SDAD1: variants seen among roughly 807,000 people sequenced by gnomAD.
The protein encoded by SDAD1 is protein SDA1 homolog.
SDAD1 carries 79 observed loss-of-function variants against 100.3 expected under a neutral mutation model. The ratio of observed to expected loss-of-function variants is 0.79; its 90% confidence interval spans 0.66 to 0.95. The LOEUF is 0.95. Ranked by LOEUF, SDAD1 falls within the 40% of genes least tolerant of loss-of-function variation. The pLI, the probability that SDAD1 is intolerant of heterozygous loss-of-function variation, is 0.00. For missense variants in SDAD1, 790 were observed against 810.9 expected, an observed-to-expected ratio of 0.97 and a Z score of 0.31; for synonymous variants, 267 against 271.4, an observed-to-expected ratio of 0.98 and a Z score of 0.16.
Position 75,972,415 on chromosome 4 carries a change from A to C in SDAD1, c.711+902T>G, listed in dbSNP as rs541878066. ...GGTCCGCGGCTCCAAAAAAAAAAAA[A>C]ACACACAAACAAAGACTGTTGTCTT... On this transcript the variant is annotated intron_variant, in intron 8 of 21. Transcript: ENST00000356260. 1.0e-3 allele frequency among the ~76,000 whole-genome samples: 157 copies of C among 151,570 alleles called. 1 individual carries two copies. The Middle Eastern group carries it at 0.021, about 20-fold the overall frequency.
chr4:75,961,698 A>G (rs1432917817), intron 14 of SDAD1, among the ~76,000 whole-genome samples: 1 of 152,246 alleles, frequency 6.6e-6, no homozygotes, highest in East Asian at 1.9e-4. Flanking sequence ...AGGACAGATT[A>G]GACAATCCTT....
At chr4:75,956,696 CT>C (rs1728916165) in intron 20 of SDAD1, among the ~76,000 whole-genome samples, 1 of 152,212 alleles carries the variant, frequency 6.6e-6, no homozygotes, top group African/African-American at 2.4e-5. Context: ...CACATTCCTA[CT>C]TTTCTCTTAG....
At chr4:75,981,049 G>T in intron 3 of SDAD1, 1 of 209,834 alleles carries the variant, frequency 4.8e-6, no homozygotes, top group East Asian at 1.1e-4. Flanking sequence ...ATGACTAGAA[G>T]AAATCATCTC....
intron 1 of SDAD1, among the ~76,000 whole-genome samples, chr4:75,990,278 C>A (rs542069654): frequency 3.5e-5 from 5 of 144,214 alleles, no homozygotes; most frequent in Non-Finnish European, 7.6e-5. Flanking sequence ...TGAGAAACCC[C>A]CCCCCCCCCT....
intron 1 of SDAD1, among the ~76,000 whole-genome samples, chr4:75,987,142 C>T (rs1306975596): frequency 6.6e-6 from 1 of 151,968 alleles, no homozygotes; most frequent in Non-Finnish European, 1.5e-5. Flanking sequence ...TCAAAAAATC[C>T]TTTAAATTGA....
intron 16 of SDAD1, among the ~76,000 whole-genome samples, 156 bp downstream of exon 16, chr4:75,960,872 T>C (rs1315645856): frequency 6.6e-6 from 1 of 152,230 alleles, no homozygotes; most frequent in Non-Finnish European, 1.5e-5. Flanking sequence ...TTCAGGGCCA[T>C]GGTATTTGAT....
intron 7 of SDAD1, 27 bp downstream of exon 7, chr4:75,974,049 C>T (rs753969820): frequency 5.0e-6 from 8 of 1,603,232 alleles, no homozygotes; most frequent in Non-Finnish European, 5.1e-6. Flanking sequence ...ACAGACAGAG[C>T]TTACACACAG....
chr4:75,953,399 C>T (rs1284221459), intron 21 of SDAD1, among the ~76,000 whole-genome samples: 2 of 152,188 alleles, frequency 1.3e-5, no homozygotes, highest in African/African-American at 4.8e-5. Flanking sequence ...ATTAATACTT[C>T]CTCAACCCTG....
At chr4:75,961,701 CA>C (rs1299077970) in intron 14 of SDAD1, among the ~76,000 whole-genome samples, 1 of 152,198 alleles carries the variant, frequency 6.6e-6, no homozygotes, top group African/African-American at 2.4e-5. Context: ...ACAGATTAGA[CA>C]ATCCTTAAAC....
intron 21 of SDAD1, among the ~76,000 whole-genome samples, chr4:75,954,890 T>C (rs1041330808): frequency 4.3e-4 from 65 of 152,312 alleles, no homozygotes; most frequent in African/African-American, 1.5e-3. Context: ...CCTGTCCATA[T>C]GGATAAGATA....
chr4:75,980,455 G>A (rs1013587736), intron 3 of SDAD1, among the ~76,000 whole-genome samples: 7 of 152,192 alleles, frequency 4.6e-5, no homozygotes, highest in South Asian at 2.1e-4. Flanking sequence ...TCATATTTGC[G>A]TACTTATCTG....
intron 3 of SDAD1, among the ~76,000 whole-genome samples, chr4:75,978,978 C>T (rs60118113): frequency 3.6e-5 from 1 of 27,734 alleles, no homozygotes; most frequent in Admixed American, 6.5e-4. Context: ...CAGACCCTGT[C>T]TCAGAAAAAA....
chr4:75,973,344 T>C lies in SDAD1; in HGVS notation c.684A>G (p.Glu228=), dbSNP rs923227235. ...LTFFLGKDED[E]KQDSDSESED... ...CAGATTCGGAGTCACTGTCCTGTTT[T>C]TCATCTTCATCTTTCCCAAGAAAGA... is the stretch of plus-strand genomic sequence containing the variant. Residue 228 remains glutamate, a synonymous_variant, in exon 8 of 22, where the codon GAA becomes GAG. Coordinates refer to ENST00000356260, the MANE Select transcript of SDAD1 (RefSeq NM_018115.4). 4 of 1,613,760 alleles carry C rather than the reference T, an allele frequency of 2.5e-6. No individual in the cohort carries two copies. Among genetic ancestry groups the C allele is most frequent in the Non-Finnish European group, 3.4e-6 (4 of 1,179,818 alleles).
rs1344799722 is a variant in SDAD1, at chr4:75,961,088, A to C, written c.1296T>G (p.Ala432=). 6.2e-7 allele frequency: 1 copy of C among 1,614,006 alleles called. No individual in the cohort carries two copies. Among genetic ancestry groups the C allele is most frequent in the Non-Finnish European group, 8.5e-7 (1 of 1,179,962 alleles). ...TTCGGAAGAGGTGAATCAAAGTTCT[A>C]GCAGACATCATTACATCTGTAAAAT... ...THKDKNVMMS[A]RTLIHLFRTL... is the part of the protein sequence containing the mutation. Residue 432 remains alanine (A), a synonymous_variant, in exon 16 of 22, where the codon GCT becomes GCG. Transcript: ENST00000356260.
chr4:75,956,516 G>A (rs1728905678), intron 20 of SDAD1, among the ~76,000 whole-genome samples: 1 of 151,836 alleles, frequency 6.6e-6, no homozygotes, highest in Non-Finnish European at 1.5e-5. Context: ...GAGGAGAAAG[G>A]ACACATGGAA....
chr4:75,957,543 C>T lies in SDAD1; in HGVS notation c.1744G>A (p.Glu582Lys). Reference sequence around the variant, plus strand: ...CTGGGCTCTTCATCACTGTCTATTTCAATGTATTTCCTCTTCTGGGATTTC... The same window carrying T: ...CTGGGCTCTTCATCACTGTCTATTTTAATGTATTTCCTCTTCTGGGATTTC... ...PGKSQKRKYI[E>K]IDSDEEPRGE... is the part of the protein sequence containing the mutation. Residue 582 changes from glutamate to lysine, a missense_variant, in exon 19 of 22, where the codon GAA (glutamate) becomes AAA (lysine). Glu to Lys is a moderately conservative substitution (Grantham distance 56). Coordinates refer to ENST00000356260, the MANE Select transcript of SDAD1 (RefSeq NM_018115.4). 1.2e-6 allele frequency: 2 copies of T among 1,614,150 alleles called. No individual in the cohort carries two copies. Among genetic ancestry groups the T allele is most frequent in the Non-Finnish European group, 1.7e-6 (2 of 1,180,026 alleles).
intron 1 of SDAD1, among the ~76,000 whole-genome samples, chr4:75,986,827 C>G (rs897871812): frequency 1.3e-5 from 2 of 152,142 alleles, no homozygotes; most frequent in African/African-American, 4.8e-5. Flanking sequence ...AGCTTGGAGA[C>G]CAGCCTGGGC....
chr4:75,983,248 A>C (rs1730655575), intron 1 of SDAD1, among the ~76,000 whole-genome samples: 1 of 152,180 alleles, frequency 6.6e-6, no homozygotes, highest in African/African-American at 2.4e-5. Context: ...TGCTGCAATA[A>C]ACATATGTGT....
At chr4:75,963,521 G>C (rs1165261072) in intron 14 of SDAD1, among the ~76,000 whole-genome samples, 1 of 152,176 alleles carries the variant, frequency 6.6e-6, no homozygotes, top group Non-Finnish European at 1.5e-5. Context: ...CTATCCATGA[G>C]CATGGAATGT....
Sources: allele counts gnomAD v4.1 joint callset (sites outside exome capture counted in the v4.1 genomes callset), GRCh38; gene constraint gnomAD v4.1.1; transcripts MANE v1.5; gene names NCBI Gene and HGNC (gene_info 2026-07-23, HGNC 2026-07-21).